The following MEMO1 variants were observed in gnomAD, a reference collection of about 807,000 sequenced individuals.
The protein encoded by MEMO1 is mediator of cell motility 1, also known as protein MEMO1.
MEMO1 carries 6 observed loss-of-function variants against 45.2 expected under a neutral mutation model. The observed-to-expected ratio is 0.13, with a 90% CI of 0.07 to 0.26. MEMO1 has a LOEUF of 0.26. MEMO1 is among the 10% of genes least tolerant of loss of function. The probability of loss-of-function intolerance (pLI) is 1.00; values close to 1 mark genes in which losing one functional copy is unlikely to be tolerated. For synonymous variants in MEMO1, 78 were observed against 124.3 expected, an observed-to-expected ratio of 0.63 and a Z score of 2.48; for missense variants, 184 against 370.5, an observed-to-expected ratio of 0.50 and a Z score of 4.13.
chr2:31,913,933 G>A (rs1279554025), intron 6 of MEMO1, among the ~76,000 whole-genome samples: 1 of 152,136 alleles, frequency 6.6e-6, no homozygotes, highest in Non-Finnish European at 1.5e-5. Context: ...CCAGTAGAAT[G>A]AGGCATAAGT....
intron 2 of MEMO1, among the ~76,000 whole-genome samples, chr2:31,966,767 A>G (rs1668673471): frequency 6.6e-6 from 1 of 151,854 alleles, no homozygotes; most frequent in African/African-American, 2.4e-5. Flanking sequence ...AAAGGGAGAT[A>G]AAATAAAATC....
At chr2:31,976,384 G>A (rs1253184747) in intron 2 of MEMO1, among the ~76,000 whole-genome samples, 1 of 151,562 alleles carries the variant, frequency 6.6e-6, no homozygotes, top group Admixed American at 6.6e-5. Context: ...TCGAAACCAG[G>A]CAGGCCAACA....
At chr2:31,994,010 G>C (rs1306596645) in intron 2 of MEMO1, among the ~76,000 whole-genome samples, 3 of 112,786 alleles carry the variant, frequency 2.7e-5, no homozygotes, top group Admixed American at 1.3e-4. Context: ...GCCCAGGCTT[G>C]AGTGCAGTGA....
chr2:31,960,789 T>C (rs1667924220), intron 2 of MEMO1, among the ~76,000 whole-genome samples: 2 of 152,020 alleles, frequency 1.3e-5, no homozygotes, highest in Non-Finnish European at 2.9e-5. Flanking sequence ...TTTCCCCATG[T>C]TGGTCAGACT....
chr2:31,963,218 C>G (rs2148418738), intron 2 of MEMO1: 1 of 1,547,958 alleles, frequency 6.5e-7, no homozygotes, highest in Non-Finnish European at 8.7e-7. Context: ...CATCTTGGCA[C>G]TTGTCAGCCC....
chr2:31,994,145 A>C (rs1572922262), intron 2 of MEMO1, among the ~76,000 whole-genome samples: 1 of 147,428 alleles, frequency 6.8e-6, no homozygotes, highest in South Asian at 2.2e-4. Flanking sequence ...ATTTTTAGTC[A>C]AGACAGGGTT....
intron 2 of MEMO1, among the ~76,000 whole-genome samples, chr2:31,964,930 G>A (rs942054655): frequency 6.6e-6 from 1 of 151,642 alleles, no homozygotes; most frequent in African/African-American, 2.4e-5. Flanking sequence ...ATGATATGGT[G>A]AGGCTGGGTG....
At chr2:31,962,162 G>A (rs1006799677) in intron 2 of MEMO1, among the ~76,000 whole-genome samples, 1 of 152,084 alleles carries the variant, frequency 6.6e-6, no homozygotes, top group African/African-American at 2.4e-5. Flanking sequence ...GCCAAGGCGA[G>A]AGGATTGAGT....
intron 5 of MEMO1, among the ~76,000 whole-genome samples, chr2:31,918,939 A>C (rs923738606): frequency 1.3e-5 from 2 of 152,080 alleles, no homozygotes. Context: ...AGGTTTTAAA[A>C]GTAAAATGTG....
At chr2:31,871,522 T>C (rs956332239) in intron 8 of MEMO1, among the ~76,000 whole-genome samples, 2 of 148,842 alleles carry the variant, frequency 1.3e-5, no homozygotes, top group African/African-American at 5.1e-5. Context: ...CACACACATA[T>C]ATATATATCT....
intron 5 of MEMO1, among the ~76,000 whole-genome samples, 164 bp downstream of exon 5, chr2:31,920,634 T>C (rs1424277965): frequency 6.6e-6 from 1 of 152,196 alleles, no homozygotes; most frequent in Non-Finnish European, 1.5e-5. Flanking sequence ...TTTAGGGATA[T>C]GGAAGAGTTT....
chr2:31,927,189 G>A (rs898677243), intron 4 of MEMO1, among the ~76,000 whole-genome samples: 4 of 151,518 alleles, frequency 2.6e-5, no homozygotes, highest in African/African-American at 4.8e-5. Flanking sequence ...GCATGGTGGC[G>A]TTCGCCTGTA....
intron 3 of MEMO1, among the ~76,000 whole-genome samples, chr2:31,935,612 A>G (rs943937113): frequency 6.6e-6 from 1 of 152,188 alleles, no homozygotes; most frequent in East Asian, 1.9e-4. Context: ...ACTCTACTTC[A>G]TCAAAGGAGG....
chr2:31,933,258 A>C (rs917228592), intron 3 of MEMO1, among the ~76,000 whole-genome samples: 7 of 139,232 alleles, frequency 5.0e-5, no homozygotes, highest in African/African-American at 1.8e-4. Flanking sequence ...TCTATATTAC[A>C]GTGAGCTATG....
chr2:31,965,836 C>G (rs1184065056), intron 2 of MEMO1, among the ~76,000 whole-genome samples: 2 of 152,084 alleles, frequency 1.3e-5, no homozygotes, highest in African/African-American at 4.8e-5. Context: ...GTGGGAGGGA[C>G]AGCATTAGGA....
At chr2:31,918,734 AAAGTT>A in intron 5 of MEMO1, among the ~76,000 whole-genome samples, 1 of 152,194 alleles carries the variant, frequency 6.6e-6, no homozygotes, top group Non-Finnish European at 1.5e-5. Context: ...GAAAAAGATA[AAAGTT>A]AACATGTAAA....
At chr2:31,910,964 TATG>T (rs1466905276) in intron 6 of MEMO1, among the ~76,000 whole-genome samples, 1 of 151,596 alleles carries the variant, frequency 6.6e-6, no homozygotes, top group East Asian at 1.9e-4. Context: ...GTATAAATGA[TATG>T]ATGAGAGGAA....
intron 4 of MEMO1, among the ~76,000 whole-genome samples, chr2:31,928,175 A>G (rs987871371): frequency 6.6e-6 from 1 of 152,232 alleles, no homozygotes; most frequent in African/African-American, 2.4e-5. Context: ...TTTGTAAACA[A>G]TCTTCATTAT....
At chr2:31,945,250 C>A (rs143246263) in intron 2 of MEMO1, among the ~76,000 whole-genome samples, 3 of 152,136 alleles carry the variant, frequency 2.0e-5, no homozygotes, top group South Asian at 4.1e-4. Flanking sequence ...CTGCACTATA[C>A]GAATATAGCA....
Sources: gnomAD v4.1 joint callset for allele counts (sites outside exome capture counted in the v4.1 genomes callset) on GRCh38, gnomAD v4.1.1 for gene constraint, MANE v1.5 for transcripts, NCBI Gene and HGNC (gene_info 2026-07-23, HGNC 2026-07-21) for gene names.